Variants in CEP164 observed in about 807,000 individuals in gnomAD.
CEP164 encodes centrosomal protein of 164 kDa.
In CEP164, 162 loss-of-function variants were observed where a neutral mutation model predicts 182.7. The observed-to-expected ratio is 0.89, with a 90% CI of 0.78 to 1.01. The LOEUF is 1.01. Ranked by LOEUF, CEP164 falls within the 50% of genes least tolerant of loss-of-function variation. The pLI is 0.00. For synonymous variants in CEP164, 661 were observed against 690.0 expected (o/e 0.96, Z 0.66); for missense variants, 1,735 against 1,790.4 (o/e 0.97, Z 0.56).
Position 117,380,606 on chromosome 11 carries a change from TC to T in CEP164, c.1318-6del. On this transcript the variant is annotated splice_polypyrimidine_tract_variant and splice_region_variant and intron_variant, in intron 11 of 32. Transcript: ENST00000278935. Reference sequence around the variant, plus strand: ...CAACACAAACTTTTTATTGCTTCTCTCCTACAGGCCCAGCAACCACTGGGAA... The same window carrying T: ...CAACACAAACTTTTTATTGCTTCTCTCTACAGGCCCAGCAACCACTGGGAA... 6.3e-7 allele frequency: 1 copy of T among 1,589,100 alleles called. No individual in the cohort carries two copies. The highest frequency in any genetic ancestry group is 1.1e-5 in the South Asian group (1 of 87,046).
In CEP164 at chr11:117,371,795, C is replaced by CTTT. The variant is rs34338708; in HGVS notation, c.1152+342_1152+344dup. On this transcript the variant is annotated intron_variant, in intron 9 of 32. Transcript: ENST00000278935. ...TCCTGCTTCCTACCTCCCTCTTGTA[C>CTTT]TTTTTTTTTTTTTTTCTGTTGTTTT... Among the ~76,000 whole-genome samples the CTTT allele has an allele frequency of 2.1e-4, 29 of 138,384 alleles. 1 individual carries two copies. The highest frequency in any genetic ancestry group is 6.5e-4 in the African/African-American group (24 of 36,918). The allele number at this position is 138,384 out of a possible 152,430, so 90.8% of individuals were successfully genotyped here. A position where few individuals can be genotyped will look rare whatever the true frequency, so the allele number is the denominator to read the frequency against.
At position 117,351,682 on chromosome 11, in the gene CEP164, C is replaced by G. The variant is rs1054383448; in HGVS notation, c.195-108C>G. On this transcript the variant is annotated intron_variant, in intron 4 of 32. Coordinates refer to ENST00000278935, the MANE Select transcript of CEP164 (RefSeq NM_014956.5). ...TTCTCCCTCCCTTTTCCACCCCACTCTCTTCCTCCTCTTTCACCTCCTCTC... is the reference window on the plus strand; with the variant it reads ...TTCTCCCTCCCTTTTCCACCCCACTGTCTTCCTCCTCTTTCACCTCCTCTC... 34 of 999,900 alleles carry G rather than the reference C, an allele frequency of 3.4e-5. No homozygotes were observed. In the East Asian group the frequency reaches 7.4e-4, roughly 22 times the overall value. The allele number at this position is 999,900 out of a possible 1,614,324, so 61.9% of individuals were successfully genotyped here.
intron 27 of CEP164, 141 bp downstream of exon 27, chr11:117,397,454 T>A (rs1453933079): frequency 1.4e-6 from 1 of 701,644 alleles, no homozygotes; most frequent in Non-Finnish European, 2.4e-6. Context: ...GTCACTTATA[T>A]TTACTTGGCA....
chr11:117,394,526 GA>G lies in CEP164; in HGVS notation c.2760+34del. ...GCCTGGGGCAGGGTGAGCCCACTGT[GA>G]CCCCTCCATGCACAGTAGGAAGGTG... On this transcript the variant is annotated intron_variant, in intron 21 of 32. Coordinates refer to ENST00000278935, the MANE Select transcript of CEP164 (RefSeq NM_014956.5). This position sits in a 1 kb window ranked among gnomAD's most constrained non-coding sequence, Gnocchi z 4.0. 1.9e-6 allele frequency: 3 copies of G among 1,610,650 alleles called. No individual in the cohort carries two copies. Among genetic ancestry groups the G allele is most frequent in the Non-Finnish European group, 2.5e-6 (3 of 1,179,050 alleles).
intron 5 of CEP164, chr11:117,355,637 A>G (rs1013236663): frequency 8.4e-7 from 1 of 1,194,516 alleles, no homozygotes; most frequent in Non-Finnish European, 1.1e-6. Flanking sequence ...TAGCAGCCCT[A>G]CTGAAGACCT....
chr11:117,388,941 T>G (rs1326301163), intron 15 of CEP164, among the ~76,000 whole-genome samples: 1 of 149,534 alleles, frequency 6.7e-6, no homozygotes, highest in African/African-American at 2.6e-5. Context: ...AATTTTTTTT[T>G]TTTTATTTTT....
chr11:117,336,265 T>G, intron 2 of CEP164: 1 of 1,572,916 alleles, frequency 6.4e-7, no homozygotes, highest in Non-Finnish European at 8.7e-7. Context: ...ATGCTTTTGG[T>G]GCTTGTGCAT....
chr11:117,336,782 TGGGGA>T (rs1268442232), intron 2 of CEP164, among the ~76,000 whole-genome samples: 23 of 152,030 alleles, frequency 1.5e-4, no homozygotes, highest in African/African-American at 5.1e-4. Context: ...TCTGAGGAAG[TGGGGA>T]CTGGAGAGGT....
intron 3 of CEP164, among the ~76,000 whole-genome samples, chr11:117,341,168 G>A (rs2038056459): frequency 6.6e-6 from 1 of 152,164 alleles, no homozygotes; most frequent in Non-Finnish European, 1.5e-5. Flanking sequence ...TTTGGTTGCT[G>A]TTGTAAATGG....
chr11:117,353,754 G>A (rs1224906271), intron 5 of CEP164, among the ~76,000 whole-genome samples: 2 of 152,180 alleles, frequency 1.3e-5, no homozygotes, highest in African/African-American at 2.4e-5. Context: ...ACTGTCTGGA[G>A]GTGTGCACTC....
chr11:117,403,069 C>T (rs1288039412), intron 27 of CEP164, among the ~76,000 whole-genome samples: 1 of 152,198 alleles, frequency 6.6e-6, no homozygotes. Flanking sequence ...TGTCTTTGCA[C>T]ACGAGGTGGG....
In CEP164 at chr11:117,373,772, A is replaced by C. The variant is rs774256448; in HGVS notation, c.1174A>C (p.Met392Leu). The C allele has an allele frequency of 3.1e-5, 50 of 1,614,056 alleles. No homozygotes were observed. Among genetic ancestry groups the C allele is most frequent in the Non-Finnish European group, 4.2e-5 (50 of 1,180,020 alleles). ...ASQELEISEH[M>L]KEPQLSDSIA... ...CCAGGAACTGGAAATTAGTGAACACATGAAGGAACCACAGCTCTCAGACTC... is the reference window on the plus strand; with the variant it reads ...CCAGGAACTGGAAATTAGTGAACACCTGAAGGAACCACAGCTCTCAGACTC... Residue 392 changes from methionine to leucine, a missense_variant, in exon 10 of 33, where the codon ATG becomes CTG. Physicochemically the swap from Met to Leu is conservative, Grantham distance 15 (BLOSUM62 2). Transcript: ENST00000278935.
intron 3 of CEP164, among the ~76,000 whole-genome samples, chr11:117,340,483 G>A (rs2037937562): frequency 6.6e-6 from 1 of 152,160 alleles, no homozygotes; most frequent in Non-Finnish European, 1.5e-5. Context: ...GGAATACATG[G>A]ATCTCATGTT....
chr11:117,396,094 A>T lies in CEP164; in HGVS notation c.3130A>T (p.Arg1044Ter). Reference sequence around the variant, plus strand: ...AGCTCAAAAGAAGCAGCACCTGTTGAGAGAAGTGACAGTTGAGGAAAATAA... The same window carrying T: ...AGCTCAAAAGAAGCAGCACCTGTTGTGAGAAGTGACAGTTGAGGAAAATAA... ...AEAQKKQHLL[R>*]EVTVEENNAS... is the part of the protein sequence containing the mutation. The change falls in exon 25 of 33, where the codon AGA becomes TGA. Residue 1044 changes from arginine to a stop codon, truncating the protein, a stop_gained. Coordinates refer to ENST00000278935, the MANE Select transcript of CEP164 (RefSeq NM_014956.5). LOFTEE classifies it high-confidence loss of function. The T allele has an allele frequency of 1.2e-6, 2 of 1,613,662 alleles. No individual in the cohort carries two copies. Among genetic ancestry groups the T allele is most frequent in the Non-Finnish European group, 8.5e-7 (1 of 1,179,740 alleles).
At chr11:117,359,073 T>C (rs937794790) in intron 5 of CEP164, among the ~76,000 whole-genome samples, 14 of 152,168 alleles carry the variant, frequency 9.2e-5, no homozygotes, top group African/African-American at 3.4e-4. Flanking sequence ...GCCTCCTCAG[T>C]AGCTGGGATT....
chr11:117,401,215 G>A (rs1411627012), intron 27 of CEP164, among the ~76,000 whole-genome samples: 2 of 152,022 alleles, frequency 1.3e-5, no homozygotes, highest in South Asian at 2.1e-4. Context: ...AAATTTTATC[G>A]AAGGCCTTTT....
At chr11:117,383,762 C>T (rs544803436) in intron 14 of CEP164, among the ~76,000 whole-genome samples, 4 of 152,180 alleles carry the variant, frequency 2.6e-5, no homozygotes, top group Admixed American at 6.5e-5. Flanking sequence ...ATAGGCCGGG[C>T]GCGGTGGCTC....
chr11:117,382,932 TC>T lies in CEP164; in HGVS notation c.1715del (p.Ser572PhefsTer21). 2 of 1,613,234 alleles carry T rather than the reference TC, an allele frequency of 1.2e-6. No individual in the cohort carries two copies. Among genetic ancestry groups the T allele is most frequent in the Non-Finnish European group, 1.7e-6 (2 of 1,179,896 alleles). On this transcript the variant is annotated frameshift_variant, in exon 14 of 33. Coordinates refer to ENST00000278935, the MANE Select transcript of CEP164 (RefSeq NM_014956.5). LOFTEE classifies it high-confidence loss of function. ...KVAVSPTPPV[S>X]PEVRSTEPVA... ...GGCGGTCAGCCCCACCCCGCCAGTC[TC>T]TCCAGAGGTGTAAGGGCCAGTTTTG...
chr11:117,378,991 G>T (rs2043034184), intron 11 of CEP164, among the ~76,000 whole-genome samples: 1 of 152,160 alleles, frequency 6.6e-6, no homozygotes, highest in Non-Finnish European at 1.5e-5. Flanking sequence ...ATTTTAGTTT[G>T]TTAAATGGAG....
Sources: allele counts gnomAD v4.1 joint callset (sites outside exome capture counted in the v4.1 genomes callset), GRCh38; gene constraint gnomAD v4.1.1; non-coding constraint Gnocchi (gnomAD v3.1); transcripts MANE v1.5; gene names NCBI Gene and HGNC (gene_info 2026-07-23, HGNC 2026-07-21).